Variants in SLC2A9 observed in about 807,000 individuals in gnomAD.
SLC2A9 encodes solute carrier family 2 member 9.
A neutral mutation model predicts 50.6 loss-of-function variants in SLC2A9; 39 were observed. The observed-to-expected ratio is 0.77, with a 90% confidence interval of 0.60 to 1.01. SLC2A9 has a LOEUF of 1.01. SLC2A9 is among the 50% of genes least tolerant of loss of function. The pLI is 0.00. For synonymous variants in SLC2A9, 324 were observed against 276.9 expected, an observed-to-expected ratio of 1.17 and a Z score of -1.69; for missense variants, 686 against 677.6, an observed-to-expected ratio of 1.01 and a Z score of -0.14.
chr4:9,792,004 C>T (rs1193382557), intron 3 of SLC2A9, among the ~76,000 whole-genome samples: 3 of 152,192 alleles, frequency 2.0e-5, no homozygotes, highest in Middle Eastern at 3.4e-3. Flanking sequence ...AACCTTTTTC[C>T]ATTTCATCCT....
chr4:9,820,425 C>T lies in SLC2A9; in HGVS notation n.420+5995G>A, dbSNP rs1376088050. ...TTAACTTTATTCTTTGTTTAAAAAA[C>T]TGTTTTGCCATTCGTATACATTTTA... is the stretch of plus-strand genomic sequence containing the variant. On this transcript the variant is annotated intron_variant and non_coding_transcript_variant, in intron 3 of 3. Coordinates refer to the SLC2A9 transcript ENST00000503280. Among the ~76,000 whole-genome samples, 4 of 152,108 alleles carry T rather than the reference C, an allele frequency of 2.6e-5. No homozygotes were observed. The East Asian group carries it at 7.7e-4, about 29-fold the overall frequency.
intron 1 of SLC2A9, 116 bp from the exon 2 acceptor site, chr4:10,019,189 T>C: frequency 1.2e-6 from 1 of 836,456 alleles, no homozygotes; most frequent in African/African-American, 1.7e-5. Context: ...GTCTTTGTCC[T>C]TGGCTGGGGT....
chr4:9,789,736 T>C (rs1455005687), intron 3 of SLC2A9, among the ~76,000 whole-genome samples: 1 of 152,240 alleles, frequency 6.6e-6, no homozygotes, highest in Non-Finnish European at 1.5e-5. Context: ...TTTGACACTG[T>C]TAATGAAGTA....
intron 10 of SLC2A9, among the ~76,000 whole-genome samples, chr4:9,865,719 C>T (rs1295200748): frequency 6.6e-6 from 1 of 152,230 alleles, no homozygotes; most frequent in Admixed American, 6.5e-5. Flanking sequence ...AAGCTCATGT[C>T]TTTCTCTCGA....
downstream of SLC2A9, among the ~76,000 whole-genome samples, chr4:9,824,928 G>T (rs1458755415): frequency 1.3e-5 from 2 of 152,148 alleles, no homozygotes; most frequent in Non-Finnish European, 2.9e-5. Context: ...ATAGTGCATT[G>T]AGTTGGCAAT....
intron 5 of SLC2A9, among the ~76,000 whole-genome samples, chr4:9,943,014 G>T (rs1294967604): frequency 6.6e-6 from 1 of 152,186 alleles, no homozygotes; most frequent in Non-Finnish European, 1.5e-5. Context: ...TTCAGGTGGG[G>T]CCCATGGGAA....
chr4:9,936,038 G>A (rs950876622), intron 6 of SLC2A9, among the ~76,000 whole-genome samples: 2 of 152,182 alleles, frequency 1.3e-5, no homozygotes, highest in Admixed American at 6.5e-5. Context: ...CCCAGATGGG[G>A]CAGTTGTCTT....
rs1756610436 is a variant in SLC2A9, at chr4:9,985,789, G to C, written c.415C>G (p.His139Asp). Reference sequence around the variant, plus strand: ...AACCCATTATTGGCCAGCAAAGTGTGCTTCCTGGAAAGAAAGGAAAGATTT... The same window carrying C: ...AACCCATTATTGGCCAGCAAAGTGTCCTTCCTGGAAAGAAAGGAAAGATTT... Reference protein sequence around the residue: ...KMIGKVLGRKHTLLANNGFAI... With the variant: ...KMIGKVLGRKDTLLANNGFAI... The change falls in exon 4 of 12, where the codon CAC (histidine) becomes GAC (aspartate). Residue 139 changes from histidine (H) to aspartate (D), a missense_variant. Physicochemically the swap from His to Asp is moderately conservative, Grantham distance 81. Coordinates refer to ENST00000264784, the MANE Select transcript of SLC2A9 (RefSeq NM_020041.3). 6 of 1,614,028 alleles carry C rather than the reference G, an allele frequency of 3.7e-6. No homozygotes were observed. Among genetic ancestry groups the C allele is most frequent in the Non-Finnish European group, 5.1e-6 (6 of 1,179,890 alleles).
intron 10 of SLC2A9, among the ~76,000 whole-genome samples, chr4:9,841,240 C>T (rs1456804051): frequency 1.3e-5 from 2 of 152,152 alleles, no homozygotes; most frequent in African/African-American, 4.8e-5. Context: ...GGATTCTTTG[C>T]TTTAGAGACA....
In SLC2A9 at chr4:9,941,899, G is replaced by T; in HGVS notation, c.814+14C>A. On this transcript the variant is annotated intron_variant, in intron 6 of 11. Transcript: ENST00000264784. ...CAGGGGCTGGAGCTGTGCAGGAAAG[G>T]GAAGGGCCCTCACCTTTCACAGCTC... is the stretch of plus-strand genomic sequence containing the variant. 1 of 1,613,970 alleles carries T rather than the reference G, an allele frequency of 6.2e-7. No homozygotes were observed. Among genetic ancestry groups the T allele is most frequent in the Non-Finnish European group, 8.5e-7 (1 of 1,179,906 alleles).
At chr4:9,987,440 T>A (rs778064739) in intron 3 of SLC2A9, among the ~76,000 whole-genome samples, 4 of 152,234 alleles carry the variant, frequency 2.6e-5, no homozygotes, top group African/African-American at 4.8e-5. Context: ...TTTTAGGTCA[T>A]ATAGTCAGTG....
chr4:9,922,141 A>G (rs1328074116), intron 6 of SLC2A9, among the ~76,000 whole-genome samples: 3 of 152,140 alleles, frequency 2.0e-5, no homozygotes, highest in African/African-American at 4.8e-5. Context: ...TTCTTTATCC[A>G]GTCTATCATT....
chr4:9,793,362 G>A (rs1254949433), intron 3 of SLC2A9, among the ~76,000 whole-genome samples: 4 of 152,216 alleles, frequency 2.6e-5, no homozygotes, highest in Non-Finnish European at 4.4e-5. Context: ...CCAGTTGACT[G>A]TCCTTGCTGT....
At chr4:9,848,436 G>T (rs1199495861) in intron 10 of SLC2A9, among the ~76,000 whole-genome samples, 1 of 151,936 alleles carries the variant, frequency 6.6e-6, no homozygotes, top group African/African-American at 2.4e-5. Context: ...AGGCAAAAGG[G>T]GCAGGTCCCT....
At chr4:9,825,266 C>T (rs1368998114), downstream of SLC2A9, among the ~76,000 whole-genome samples, 1 of 152,200 alleles carries the variant, frequency 6.6e-6, no homozygotes, top group Non-Finnish European at 1.5e-5. Flanking sequence ...ACTCAAACAA[C>T]TTTAGCATGT....
intron 1 of SLC2A9, among the ~76,000 whole-genome samples, chr4:9,773,298 G>A (rs1441826762): frequency 1.3e-5 from 2 of 152,116 alleles, no homozygotes; most frequent in African/African-American, 4.8e-5. Flanking sequence ...GTGCCAAGCT[G>A]AGCACATTGG....
At chr4:9,949,371 C>T (rs190264368) in intron 5 of SLC2A9, among the ~76,000 whole-genome samples, 6 of 152,284 alleles carry the variant, frequency 3.9e-5, no homozygotes, top group African/African-American at 1.4e-4. Flanking sequence ...GACACTCCTG[C>T]TCTTAAAATA....
rs1175166447 is a variant in SLC2A9 at position 9,845,427 on chromosome 4, C to CTTTTTTT, written c.1292-10426_1292-10420dup. Among the ~76,000 whole-genome samples, 159 of 108,668 alleles carry CTTTTTTT rather than the reference C, an allele frequency of 1.5e-3. 18 individuals are homozygous for CTTTTTTT. The highest frequency in any genetic ancestry group is 6.0e-3 in the African/African-American group (147 of 24,524). 71.3% of individuals were successfully genotyped at this position (108,668 alleles called of 152,430 possible). On this transcript the variant is annotated intron_variant, in intron 10 of 11. Coordinates refer to ENST00000264784, the MANE Select transcript of SLC2A9 (RefSeq NM_020041.3). ...CCAATGGAACCACGATCATCAATTT[C>CTTTTTTT]TTTTTTTTTTTTTTTTTTTTGAGAC...
intron 3 of SLC2A9, among the ~76,000 whole-genome samples, chr4:9,800,939 G>A (rs1450775792): frequency 6.6e-6 from 1 of 152,140 alleles, no homozygotes; most frequent in African/African-American, 2.4e-5. Context: ...GTACACTCAT[G>A]CAGTCAGGCG....
Sources: allele counts gnomAD v4.1 joint callset (sites outside exome capture counted in the v4.1 genomes callset), GRCh38; gene constraint gnomAD v4.1.1; transcripts MANE v1.5; gene names NCBI Gene and HGNC (gene_info 2026-07-23, HGNC 2026-07-21).